The following LCLAT1 variants were observed in gnomAD, a reference collection of about 807,000 sequenced individuals.
The protein encoded by LCLAT1 is lysocardiolipin acyltransferase 1, also known as 1-AGP acyltransferase 8.
In LCLAT1, 11 loss-of-function variants were observed where a neutral mutation model predicts 30.7. The ratio of observed to expected loss-of-function variants is 0.36; its 90% CI spans 0.23 to 0.59. The LOEUF (loss-of-function observed/expected upper bound fraction) is 0.59, where lower values mean the gene tolerates loss of function less well. LCLAT1 is among the 20% of genes least tolerant of loss of function. The pLI, the probability that LCLAT1 is intolerant of heterozygous loss-of-function variation, is 0.77. For synonymous variants in LCLAT1, 155 were observed against 151.3 expected (o/e 1.02, Z -0.18); for missense variants, 402 against 458.6 (o/e 0.88, Z 1.13).
intron 5 of LCLAT1, among the ~76,000 whole-genome samples, chr2:30,582,289 T>C (rs904066494): frequency 6.6e-6 from 1 of 152,064 alleles, no homozygotes; most frequent in Non-Finnish European, 1.5e-5. Context: ...CAGATATACT[T>C]CAATCAAATT....
At chr2:30,562,994 G>A (rs1665312364) in intron 4 of LCLAT1, among the ~76,000 whole-genome samples, 1 of 152,006 alleles carries the variant, frequency 6.6e-6, no homozygotes, top group African/African-American at 2.4e-5. Context: ...CCATCATTGA[G>A]TTGTAGCAAG....
At chr2:30,574,750 C>T (rs1283760682) in intron 5 of LCLAT1, among the ~76,000 whole-genome samples, 1 of 152,186 alleles carries the variant, frequency 6.6e-6, no homozygotes, top group Non-Finnish European at 1.5e-5. Flanking sequence ...CTTTGTAAGG[C>T]ATCTGTTCTA....
intron 1 of LCLAT1, among the ~76,000 whole-genome samples, chr2:30,458,855 A>G (rs1279776404): frequency 1.3e-5 from 2 of 152,216 alleles, no homozygotes; most frequent in Non-Finnish European, 1.5e-5. Flanking sequence ...AGTAAGCCTC[A>G]GTGCAAAGTC....
intron 3 of LCLAT1, among the ~76,000 whole-genome samples, chr2:30,540,233 A>G (rs1285247821): frequency 6.6e-6 from 1 of 152,234 alleles, no homozygotes; most frequent in African/African-American, 2.4e-5. Flanking sequence ...CAAAATATAT[A>G]CACTGTTCTT....
chr2:30,540,241 C>G (rs1664065880), intron 3 of LCLAT1, among the ~76,000 whole-genome samples: 1 of 152,120 alleles, frequency 6.6e-6, no homozygotes, highest in African/African-American at 2.4e-5. Context: ...ATACACTGTT[C>G]TTCATATTTT....
At chr2:30,624,470 C>G (rs1328283619) in intron 5 of LCLAT1, among the ~76,000 whole-genome samples, 1 of 152,058 alleles carries the variant, frequency 6.6e-6, no homozygotes, top group African/African-American at 2.4e-5. Context: ...AGTAGCTATT[C>G]CTATATTAGA....
chr2:30,585,675 C>T (rs1182757122), intron 5 of LCLAT1, among the ~76,000 whole-genome samples: 1 of 152,104 alleles, frequency 6.6e-6, no homozygotes, highest in African/African-American at 2.4e-5. Flanking sequence ...CTTCTGTGTT[C>T]ATGCTTTTCT....
intron 5 of LCLAT1, among the ~76,000 whole-genome samples, chr2:30,631,178 T>C (rs1475234252): frequency 6.6e-6 from 1 of 152,232 alleles, no homozygotes; most frequent in Non-Finnish European, 1.5e-5. Flanking sequence ...TGGTACCTTC[T>C]ATCTCCATTC....
chr2:30,529,492 TAATG>T (rs1419907480), intron 2 of LCLAT1, among the ~76,000 whole-genome samples: 2 of 152,238 alleles, frequency 1.3e-5, no homozygotes. Context: ...CTGTTCAACA[TAATG>T]AATATTGTAA....
At chr2:30,603,325 A>G (rs1244899789) in intron 5 of LCLAT1, among the ~76,000 whole-genome samples, 2 of 152,170 alleles carry the variant, frequency 1.3e-5, no homozygotes, top group Admixed American at 6.6e-5. Flanking sequence ...AGTGAACGAA[A>G]AAGACAGATC....
intron 5 of LCLAT1, among the ~76,000 whole-genome samples, chr2:30,594,400 C>G (rs144414800): frequency 6.6e-6 from 1 of 152,298 alleles, no homozygotes; most frequent in African/African-American, 2.4e-5. Context: ...TATTCTACTT[C>G]CTTTATCAAG....
At chr2:30,535,524 G>T (rs1427663192) in intron 3 of LCLAT1, among the ~76,000 whole-genome samples, 1 of 152,182 alleles carries the variant, frequency 6.6e-6, no homozygotes, top group Non-Finnish European at 1.5e-5. Context: ...GCCTAGGCCA[G>T]TGAGGCACTC....
At chr2:30,520,649 A>G (rs933798880) in intron 1 of LCLAT1, among the ~76,000 whole-genome samples, 3 of 152,238 alleles carry the variant, frequency 2.0e-5, no homozygotes, top group Non-Finnish European at 2.9e-5. Context: ...CATGTAAAAT[A>G]TATGAAACAG....
intron 5 of LCLAT1, 136 bp from the exon 6 acceptor site, chr2:30,639,981 C>G: frequency 1.4e-6 from 1 of 690,362 alleles, no homozygotes; most frequent in Non-Finnish European, 2.5e-6. Context: ...ACACCAGTAT[C>G]TCTAACCCTT....
chr2:30,607,065 TATTTA>T (rs1667477856), intron 5 of LCLAT1: 1 of 152,022 alleles, frequency 6.6e-6, no homozygotes, highest in African/African-American at 2.4e-5. Flanking sequence ...AAATGGCAAT[TATTTA>T]AAAGTCATGA....
chr2:30,452,719 A>AT (rs895018101), intron 1 of LCLAT1, among the ~76,000 whole-genome samples: 2 of 152,142 alleles, frequency 1.3e-5, no homozygotes, highest in African/African-American at 2.4e-5. Flanking sequence ...TGAGGCACTA[A>AT]TTGCTATTGG....
chr2:30,619,034 T>G (rs1036673358), intron 5 of LCLAT1, among the ~76,000 whole-genome samples: 2 of 152,120 alleles, frequency 1.3e-5, no homozygotes, highest in Non-Finnish European at 2.9e-5. Context: ...TTAATGTTAT[T>G]TTAGACATGA....
At chr2:30,620,072 C>T (rs916214677) in intron 5 of LCLAT1, among the ~76,000 whole-genome samples, 7 of 152,088 alleles carry the variant, frequency 4.6e-5, no homozygotes, top group African/African-American at 1.4e-4. Context: ...ATTAATCCTC[C>T]CCAAGGTTAT....
At chr2:30,491,781 C>CT (rs1282298236) in intron 1 of LCLAT1, among the ~76,000 whole-genome samples, 1 of 152,080 alleles carries the variant, frequency 6.6e-6, no homozygotes, top group Non-Finnish European at 1.5e-5. Flanking sequence ...TACTCCACAA[C>CT]TTTTGTAAGT....
Sources: gnomAD v4.1 joint callset for allele counts (sites outside exome capture counted in the v4.1 genomes callset) on GRCh38, gnomAD v4.1.1 for gene constraint, MANE v1.5 for transcripts, NCBI Gene and HGNC (gene_info 2026-07-23, HGNC 2026-07-21) for gene names.